Variants in ANO4 observed in about 807,000 individuals in gnomAD.
ANO4 encodes anoctamin 4.
ANO4 carries 69 observed loss-of-function variants against 141.9 expected under a neutral mutation model. The ratio of observed to expected loss-of-function variants is 0.49; its 90% CI spans 0.40 to 0.59. The LOEUF is 0.59. Ranked by LOEUF, ANO4 falls within the 20% of genes least tolerant of loss-of-function variation. The pLI, the probability that ANO4 is intolerant of heterozygous loss-of-function variation, is 0.00. For missense variants in ANO4, 894 were observed against 1,162.2 expected, an observed-to-expected ratio of 0.77 and a Z score of 3.36; for synonymous variants, 350 against 394.3, an observed-to-expected ratio of 0.89 and a Z score of 1.33.
At chr12:100,777,069 A>G (rs2033536475) in intron 3 of ANO4, among the ~76,000 whole-genome samples, 1 of 151,040 alleles carries the variant, frequency 6.6e-6, no homozygotes, top group Admixed American at 6.7e-5. Flanking sequence ...TGACAGAGCC[A>G]GGACTAGAAA....
chr12:100,939,377 G>T lies in ANO4; in HGVS notation c.223G>T (p.Asp75Tyr). 1 of 1,613,770 alleles carries T rather than the reference G, an allele frequency of 6.2e-7. No individual in the cohort carries two copies. The highest frequency in any genetic ancestry group is 1.3e-5 in the African/African-American group (1 of 75,038). ...LEAVSSPCKDDDSLLHPGNLT... is the reference protein window; with the variant it reads ...LEAVSSPCKDYDSLLHPGNLT... ...AGCTGTCAGCAGTCCTTGCAAAGAT[G>T]ACGATTCTCTTCTTCACCCTGGAAA... Residue 75 changes from aspartate (D) to tyrosine (Y), a missense_variant, in exon 4 of 28, where the codon GAC becomes TAC. Transcript: ENST00000392977.
intron 1 of ANO4, among the ~76,000 whole-genome samples, chr12:100,885,913 T>C (rs1020341291): frequency 3.3e-5 from 5 of 152,220 alleles, no homozygotes; most frequent in African/African-American, 9.6e-5. Context: ...CATTTTTGTT[T>C]GGATGTCCCA....
chr12:100,776,871 C>T (rs892816843), intron 3 of ANO4, among the ~76,000 whole-genome samples: 12 of 152,066 alleles, frequency 7.9e-5, no homozygotes, highest in Non-Finnish European at 1.5e-4. Context: ...GGATGATGTG[C>T]AAGAGTGACA....
At chr12:100,813,145 G>T (rs961196567) in intron 1 of ANO4, among the ~76,000 whole-genome samples, 3 of 152,298 alleles carry the variant, frequency 2.0e-5, no homozygotes, top group South Asian at 4.1e-4. Context: ...GCTGGTATTA[G>T]CATCCATATG....
chr12:100,826,606 G>A (rs2036356647), intron 1 of ANO4, among the ~76,000 whole-genome samples: 1 of 55,122 alleles, frequency 1.8e-5, no homozygotes, highest in Admixed American at 2.5e-4. Context: ...CCTCCCAACC[G>A]CAATGGCCCT....
intron 17 of ANO4, among the ~76,000 whole-genome samples, chr12:101,087,514 C>G (rs1449355637): frequency 6.6e-6 from 1 of 151,802 alleles, no homozygotes; most frequent in Admixed American, 6.6e-5. Context: ...AGAGGGAGAC[C>G]CTGTCTCAAA....
intron 23 of ANO4, among the ~76,000 whole-genome samples, 159 bp from the exon 24 acceptor site, chr12:101,111,404 A>G (rs1174879363): frequency 6.6e-6 from 1 of 152,224 alleles, no homozygotes; most frequent in Non-Finnish European, 1.5e-5. Context: ...CTCAATGCCA[A>G]GTTGTTTGCA....
intron 1 of ANO4, among the ~76,000 whole-genome samples, chr12:100,893,716 C>G (rs1256169957): frequency 1.3e-5 from 2 of 152,094 alleles, no homozygotes; most frequent in African/African-American, 2.4e-5. Flanking sequence ...ACTAACAAGT[C>G]ACATGGCAGA....
At position 100,901,764 on chromosome 12, in the gene ANO4, A is replaced by T. The variant is rs1342420338; in HGVS notation, c.-22A>T. 6.2e-7 allele frequency: 1 copy of T among 1,613,002 alleles called. No homozygotes were observed. The highest frequency in any genetic ancestry group is 1.3e-5 in the African/African-American group (1 of 75,004). On this transcript the variant is annotated 5_prime_UTR_variant, in exon 2 of 28. Transcript: ENST00000392977. ...CTGTGGTCAGGCATTCCTCACTCCC[A>T]CCAGGCAGAAGGTCAATAAAAATGG...
chr12:100,732,218 G>A (rs893837151), intron 1 of ANO4, among the ~76,000 whole-genome samples: 1 of 152,156 alleles, frequency 6.6e-6, no homozygotes, highest in African/African-American at 2.4e-5. Context: ...AGCAATAGAG[G>A]TCCTGTTGCC....
rs143921732 is a variant in ANO4, at chr12:100,813,899, T to C, written c.-141+18872T>C. 3.2e-4 allele frequency among the ~76,000 whole-genome samples: 49 copies of C among 152,250 alleles called. No homozygotes were observed. The East Asian group carries it at 8.1e-3, about 25-fold the overall frequency. ...TCTTCAGAAGGGGATACATAGCTTT[T>C]TGTTTTGTTTTGTTTTGAATCTTTG... On this transcript the variant is annotated intron_variant, in intron 1 of 27. Transcript: ENST00000392977.
rs1452950070 is a variant in ANO4, at chr12:101,042,485, G to C, written c.1154+17G>C. ...CCAAGTCAGGTACGGGGAGCTCTTG[G>C]ATGAGTTTGCCTTTGTTTAGTACTT... is the stretch of plus-strand genomic sequence containing the variant. On this transcript the variant is annotated intron_variant, in intron 12 of 27. Transcript: ENST00000392977. The C allele has an allele frequency of 2.5e-6, 4 of 1,613,794 alleles. No individual in the cohort carries two copies. Among genetic ancestry groups the C allele is most frequent in the Non-Finnish European group, 3.4e-6 (4 of 1,179,938 alleles).
intron 17 of ANO4, among the ~76,000 whole-genome samples, chr12:101,087,582 C>T (rs73379478): frequency 0.057 from 8,702 of 152,092 alleles, 777 homozygotes; most frequent in African/African-American, 0.19. Context: ...GCAAGGAAAC[C>T]GCCAAGCTGG....
chr12:101,028,542 A>G (rs936042643), intron 9 of ANO4, among the ~76,000 whole-genome samples: 2 of 152,254 alleles, frequency 1.3e-5, no homozygotes. Context: ...CACAAGTATC[A>G]GTAGCTGAAT....
Position 101,099,577 on chromosome 12 carries a change from G to C in ANO4, c.2007-1G>C. 1 of 1,592,894 alleles carries C rather than the reference G, an allele frequency of 6.3e-7. No homozygotes were observed. The highest frequency in any genetic ancestry group is 8.5e-7 in the Non-Finnish European group (1 of 1,174,278). On this transcript the variant is annotated splice_acceptor_variant, in intron 21 of 27. Transcript: ENST00000392977. LOFTEE classifies it high-confidence loss of function. ...TGTAAGAAATTGATCTTTTTGCCCA[G>C]GTTAATTCAGAATTGGTGGACTAGA...
At chr12:101,029,478 G>A (rs1178990484) in intron 9 of ANO4, among the ~76,000 whole-genome samples, 1 of 152,056 alleles carries the variant, frequency 6.6e-6, no homozygotes, top group African/African-American at 2.4e-5. Flanking sequence ...AAAGGATGGA[G>A]GAAAATTTAC....
chr12:100,742,543 A>C (rs533258589), intron 3 of ANO4, among the ~76,000 whole-genome samples: 2 of 152,204 alleles, frequency 1.3e-5, no homozygotes, highest in Admixed American at 1.3e-4. Context: ...ATTCTAAGCT[A>C]TCTCTCTTCT....
Position 100,774,106 on chromosome 12 carries a change from A to G in ANO4, c.358+34001A>G, listed in dbSNP as rs752303138. ...TATAAAAAGTTTGCCAAGTCCTCTTATGTAAAAATTTGCCAACTCCTGTTC... is the reference window on the plus strand; with the variant it reads ...TATAAAAAGTTTGCCAAGTCCTCTTGTGTAAAAATTTGCCAACTCCTGTTC... On this transcript the variant is annotated intron_variant, in intron 3 of 29. Coordinates refer to the ANO4 transcript ENST00000644049. Among the ~76,000 whole-genome samples, 44 of 152,320 alleles carry G rather than the reference A, an allele frequency of 2.9e-4. 2 individuals are homozygous for G. Among genetic ancestry groups the G allele is most frequent in the Admixed American group, 5.2e-4 (8 of 15,302 alleles).
Position 100,895,893 on chromosome 12 carries a change from T to G in ANO4, c.-140-5753T>G, listed in dbSNP as rs75943488. ...TTTTATTTATTAAAATATTAGTCAT[T>G]TATTGTGTTCCCGTATACTCATCAA... On this transcript the variant is annotated intron_variant, in intron 1 of 27. Transcript: ENST00000392977. 3.1e-3 allele frequency among the ~76,000 whole-genome samples: 465 copies of G among 152,014 alleles called. 5 individuals carry two copies. Among genetic ancestry groups the G allele is most frequent in the African/African-American group, 1.0e-2 (413 of 41,414 alleles).
Sources: allele counts gnomAD v4.1 joint callset (sites outside exome capture counted in the v4.1 genomes callset), GRCh38; gene constraint gnomAD v4.1.1; transcripts MANE v1.5; gene names NCBI Gene and HGNC (gene_info 2026-07-23, HGNC 2026-07-21).